The following BCAR3 variants were observed in gnomAD, a reference collection of about 807,000 sequenced individuals.
BCAR3 encodes breast cancer anti-estrogen resistance protein 3.
Under a neutral mutation model 80.1 loss-of-function variants are expected in BCAR3, and 37 were observed. The observed-to-expected ratio is 0.46, with a 90% CI of 0.36 to 0.61. BCAR3 has a LOEUF of 0.61. Among genes scored for constraint, BCAR3 ranks in the 20% least tolerant of loss-of-function variants. The pLI, the probability that BCAR3 is intolerant of heterozygous loss-of-function variation, is 0.00. For missense variants in BCAR3, 978 were observed against 1,068.2 expected (o/e 0.92, Z 1.18); for synonymous variants, 389 against 418.9 (o/e 0.93, Z 0.87).
rs907369342 is a variant in BCAR3, at chr1:93,592,551, C to T, written c.358-158G>A. 1.9e-5 allele frequency: 19 copies of T among 1,019,558 alleles called. No homozygotes were observed. The highest frequency in any genetic ancestry group is 3.3e-5 in the African/African-American group (2 of 60,736). 63.2% of individuals were successfully genotyped at this position (1,019,558 alleles called of 1,614,324 possible). A position where few individuals can be genotyped will look rare whatever the true frequency, so the allele number is the denominator to read the frequency against. ...ATGATTACAAAGAGCTGTGACCTTTCGTTTCTCCGGCCGCAACCATGTAAT... is the reference window on the plus strand; with the variant it reads ...ATGATTACAAAGAGCTGTGACCTTTTGTTTCTCCGGCCGCAACCATGTAAT... On this transcript the variant is annotated intron_variant, in intron 3 of 11. Coordinates refer to ENST00000260502, the MANE Select transcript of BCAR3 (RefSeq NM_003567.4). This position sits in a 1 kb window ranked among gnomAD's most constrained non-coding sequence, Gnocchi z 4.8.
At chr1:93,567,897 C>T (rs1231736690) in intron 9 of BCAR3, 46 bp from the exon 10 acceptor site, 1 of 1,517,590 alleles carries the variant, frequency 6.6e-7, no homozygotes, top group African/African-American at 1.4e-5. Context: ...TTAAAATTAC[C>T]TTTTAGTGGC....
intron 2 of BCAR3, among the ~76,000 whole-genome samples, chr1:93,835,857 G>T (rs927639406): frequency 5.9e-5 from 9 of 152,154 alleles, no homozygotes; most frequent in African/African-American, 2.2e-4. Flanking sequence ...CTTTCCCACA[G>T]GGTCTGAGAA....
In BCAR3 at chr1:93,824,379, T is replaced by C. The variant is rs190930730; in HGVS notation, c.-63+21188A>G. On this transcript the variant is annotated intron_variant, in intron 2 of 13. Coordinates refer to the BCAR3 transcript ENST00000370244. ...GCACTGTTGGCACTGAACACACAGGTCAGGGGCCAGGAGCAGGTGCTCATC... is the reference window on the plus strand; with the variant it reads ...GCACTGTTGGCACTGAACACACAGGCCAGGGGCCAGGAGCAGGTGCTCATC... 5.8e-4 allele frequency among the ~76,000 whole-genome samples: 77 copies of C among 133,738 alleles called. 7 individuals are homozygous for C. The highest frequency in any genetic ancestry group is 1.9e-3 in the African/African-American group (74 of 39,906). The allele number at this position is 133,738 out of a possible 152,430, so 87.7% of individuals were successfully genotyped here.
intron 3 of BCAR3, among the ~76,000 whole-genome samples, chr1:93,630,633 C>CA (rs1158322812): frequency 6.6e-6 from 1 of 151,266 alleles, no homozygotes; most frequent in African/African-American, 2.4e-5. Flanking sequence ...GACCTTGTTT[C>CA]AAAAAAAATA....
chr1:93,681,920 T>TG, upstream of BCAR3: 1 of 152,420 alleles, frequency 6.6e-6, no homozygotes, highest in East Asian at 1.9e-4. Context: ...CGCGCTGCCT[T>TG]GCGGAACCCC....
At chr1:93,614,091 C>A (rs1323822349) in intron 3 of BCAR3, 29 of 1,423,864 alleles carry the variant, frequency 2.0e-5, no homozygotes, top group African/African-American at 2.9e-5. Flanking sequence ...TTCTCCCAGG[C>A]TAGTCTGGGA....
chr1:93,770,212 G>A (rs6703468), intron 2 of BCAR3, among the ~76,000 whole-genome samples: 27,288 of 152,024 alleles, frequency 0.18, 3,539 homozygotes, highest in African/African-American at 0.36. Context: ...AGAATACTTC[G>A]AGGCATCTAA....
intron 3 of BCAR3, among the ~76,000 whole-genome samples, chr1:93,637,126 C>T (rs981720362): frequency 7.3e-5 from 11 of 151,484 alleles, no homozygotes; most frequent in Non-Finnish European, 4.4e-5. Flanking sequence ...CAGCACTAGT[C>T]TTGAGGCTAA....
At chr1:93,746,754 T>C (rs1395645228) in intron 2 of BCAR3, among the ~76,000 whole-genome samples, 1 of 152,144 alleles carries the variant, frequency 6.6e-6, no homozygotes, top group East Asian at 1.9e-4. Context: ...CTGTCTTCAC[T>C]AACACAACTC....
chr1:93,573,609 T>TTTATTA (rs368870879), intron 8 of BCAR3, among the ~76,000 whole-genome samples: 2 of 142,808 alleles, frequency 1.4e-5, no homozygotes, highest in South Asian at 2.1e-4. Flanking sequence ...AAAATATATT[T>TTTATTA]TTATTATTAT....
chr1:93,722,832 G>C (rs1032102803), intron 2 of BCAR3, among the ~76,000 whole-genome samples: 4 of 152,160 alleles, frequency 2.6e-5, no homozygotes, highest in African/African-American at 4.8e-5. Flanking sequence ...AGGAGCCAAG[G>C]GGGAGGGGAG....
chr1:93,748,303 C>A (rs1363412323), intron 2 of BCAR3, among the ~76,000 whole-genome samples: 1 of 152,078 alleles, frequency 6.6e-6, no homozygotes, highest in African/African-American at 2.4e-5. Flanking sequence ...GTGGCCAGCT[C>A]CCCCATACCC....
intron 2 of BCAR3, chr1:93,845,502 A>ATATATATATATATATATATCTTGTCAAG: frequency 8.8e-6 from 1 of 113,822 alleles, no homozygotes; most frequent in African/African-American, 3.5e-5. Context: ...ATATATATAT[A>ATATATATATATATATATATCTTGTCAAG]AAACTTTGTT....
chr1:93,820,205 A>C (rs1654165200), intron 2 of BCAR3, among the ~76,000 whole-genome samples: 1 of 152,220 alleles, frequency 6.6e-6, no homozygotes, highest in African/African-American at 2.4e-5. Context: ...CGATGCTCTT[A>C]ATACTTCTGA....
rs143388556 is a variant in BCAR3, at chr1:93,781,320, A to G, written c.-63+64247T>C. On this transcript the variant is annotated intron_variant, in intron 2 of 13. Coordinates refer to the BCAR3 transcript ENST00000370244. The stretch of plus-strand genomic sequence containing the variant: ...CAAATGTAAAAACCACTTTTAGCTC[A>G]TGGGCCACATGGCCAACAACCTGGA... Among the ~76,000 whole-genome samples, 72 of 152,354 alleles carry G rather than the reference A, an allele frequency of 4.7e-4. No homozygotes were observed. In the East Asian group the frequency reaches 0.014, roughly 29 times the overall value.
chr1:93,756,527 A>G lies in BCAR3; in HGVS notation c.-62-50385T>C, dbSNP rs116313144. On this transcript the variant is annotated intron_variant, in intron 2 of 13. Transcript: ENST00000370244. ...GTAAATTTTGCATTTCATTTCTCCT[A>G]TTCTCTGGGATCTCTTAAAAGGTGG... Among the ~76,000 whole-genome samples, 510 of 152,304 alleles carry G rather than the reference A, an allele frequency of 3.3e-3. 2 individuals carry two copies. Among genetic ancestry groups the G allele is most frequent in the African/African-American group, 0.012 (481 of 41,566 alleles).
intron 8 of BCAR3, among the ~76,000 whole-genome samples, chr1:93,572,896 G>A (rs894914034): frequency 6.6e-6 from 1 of 152,194 alleles, no homozygotes; most frequent in Non-Finnish European, 1.5e-5. Flanking sequence ...GGGCAGCAGG[G>A]ATTCATTGAG....
chr1:93,595,078 T>G (rs1433869582), intron 3 of BCAR3, among the ~76,000 whole-genome samples: 1 of 152,214 alleles, frequency 6.6e-6, no homozygotes, highest in African/African-American at 2.4e-5. Context: ...CCTAAATTAT[T>G]GCTCTTTCTC....
At chr1:93,726,069 T>C (rs890446372) in intron 2 of BCAR3, among the ~76,000 whole-genome samples, 3 of 152,080 alleles carry the variant, frequency 2.0e-5, no homozygotes, top group African/African-American at 4.8e-5. Flanking sequence ...GCTTTTTTTT[T>C]TGTTTTTTTG....
Sources: allele counts gnomAD v4.1 joint callset (sites outside exome capture counted in the v4.1 genomes callset), GRCh38; gene constraint gnomAD v4.1.1; non-coding constraint Gnocchi (gnomAD v3.1); transcripts MANE v1.5; gene names NCBI Gene and HGNC (gene_info 2026-07-23, HGNC 2026-07-21).